Variants in ARHGEF7 observed in about 807,000 individuals in gnomAD.
ARHGEF7 encodes Rho guanine nucleotide exchange factor 7, also known as PAK-interacting exchange factor beta.
A neutral mutation model predicts 109.8 loss-of-function variants in ARHGEF7; 33 were observed. That is an observed-to-expected ratio of 0.30 (90% CI 0.23 to 0.40). The LOEUF (loss-of-function observed/expected upper bound fraction) is 0.40, where lower values mean the gene tolerates loss of function less well. Ranked by LOEUF, ARHGEF7 falls within the 10% of genes least tolerant of loss-of-function variation. The pLI, the probability that ARHGEF7 is intolerant of heterozygous loss-of-function variation, is 1.00. For synonymous variants in ARHGEF7, 458 were observed against 424.6 expected, an observed-to-expected ratio of 1.08 and a Z score of -0.97; for missense variants, 938 against 1,098.5, an observed-to-expected ratio of 0.85 and a Z score of 2.07.
chr13:111,244,317 G>C (rs2088377544), intron 8 of ARHGEF7, 23 bp downstream of exon 8: 1 of 1,444,262 alleles, frequency 6.9e-7, no homozygotes, highest in Admixed American at 2.0e-5. Context: ...CTAAAAATTT[G>C]CAACACTCAG....
At chr13:111,223,493 CTGTT>C (rs2084753506) in intron 5 of ARHGEF7, among the ~76,000 whole-genome samples, 1 of 152,178 alleles carries the variant, frequency 6.6e-6, no homozygotes, top group Non-Finnish European at 1.5e-5. Context: ...CTTTTTTAGG[CTGTT>C]TATCTCCAGA....
intron 2 of ARHGEF7, among the ~76,000 whole-genome samples, chr13:111,154,749 G>C (rs984921481): frequency 1.3e-5 from 2 of 152,054 alleles, no homozygotes; most frequent in African/African-American, 4.8e-5. Flanking sequence ...CCTACACTTG[G>C]GGTAGCACTT....
At chr13:111,233,397 TA>T (rs2086372312) in intron 6 of ARHGEF7, 104 bp downstream of exon 6, 1 of 900,338 alleles carries the variant, frequency 1.1e-6, no homozygotes, top group Admixed American at 1.9e-5. Context: ...AAGAAGGAAA[TA>T]AAGTTCATTC....
intron 8 of ARHGEF7, among the ~76,000 whole-genome samples, chr13:111,249,407 T>C (rs2089421436): frequency 6.6e-6 from 1 of 151,804 alleles, no homozygotes; most frequent in South Asian, 2.1e-4. Flanking sequence ...TTTCCAAAGC[T>C]TTGAGAAGTT....
chr13:111,133,812 T>TAA (rs774568302), intron 1 of ARHGEF7, among the ~76,000 whole-genome samples: 2,150 of 62,222 alleles, frequency 0.035, 376 homozygotes, highest in East Asian at 0.065. Context: ...TATATATATA[T>TAA]ATTTATTATA....
intron 8 of ARHGEF7, among the ~76,000 whole-genome samples, chr13:111,259,050 A>G (rs2090786805): frequency 6.6e-6 from 1 of 152,192 alleles, no homozygotes; most frequent in Non-Finnish European, 1.5e-5. Flanking sequence ...GCCACAAGAA[A>G]TATTCAACTG....
At position 111,265,951 on chromosome 13, in the gene ARHGEF7, G is replaced by A. The variant is rs117091659; in HGVS notation, c.951-1597G>A. Among the ~76,000 whole-genome samples the A allele has an allele frequency of 8.0e-3, 1,221 of 152,322 alleles. 3 individuals carry two copies. Among genetic ancestry groups the A allele is most frequent in the Non-Finnish European group, 0.014 (978 of 68,020 alleles). ...TTCCCAGCAGGGGCGGACTGAGGCCGTGTGCTTATCGGTGGGGACAGCAGA... is the reference window on the plus strand; with the variant it reads ...TTCCCAGCAGGGGCGGACTGAGGCCATGTGCTTATCGGTGGGGACAGCAGA... On this transcript the variant is annotated intron_variant, in intron 8 of 21. Transcript: ENST00000646102.
chr13:111,266,359 GTCT>G lies in ARHGEF7; in HGVS notation c.951-1184_951-1182del, dbSNP rs1473796562. On this transcript the variant is annotated intron_variant, in intron 8 of 21. Coordinates refer to ENST00000646102, the MANE Select transcript of ARHGEF7 (RefSeq NM_001354046.2). This position sits in a 1 kb window ranked among gnomAD's most constrained non-coding sequence, Gnocchi z 4.8. ...GACTCTGCTGTTGTCTGGGGCCTCGGTCTTCTTTTGGCCTGTGTCGACGCTCGT... is the reference window on the plus strand; with the variant it reads ...GACTCTGCTGTTGTCTGGGGCCTCGGTCTTTTGGCCTGTGTCGACGCTCGT... Among the ~76,000 whole-genome samples, 2 of 152,062 alleles carry G rather than the reference GTCT, an allele frequency of 1.3e-5. No individual in the cohort carries two copies. The highest frequency in any genetic ancestry group is 2.9e-5 in the Non-Finnish European group (2 of 68,016).
At chr13:111,185,076 G>A (rs566720298) in intron 2 of ARHGEF7, 4 of 152,182 alleles carry the variant, frequency 2.6e-5, no homozygotes, top group Admixed American at 2.6e-4. Flanking sequence ...TTAGAATCCA[G>A]TGCAGGCCGC....
At chr13:111,280,052 C>T (rs927722048) in intron 13 of ARHGEF7, among the ~76,000 whole-genome samples, 1 of 152,070 alleles carries the variant, frequency 6.6e-6, no homozygotes, top group African/African-American at 2.4e-5. Flanking sequence ...TGTCCCTTGT[C>T]GCCAGTTGAG....
At chr13:111,284,905 GCT>G (rs1249775785) in intron 16 of ARHGEF7, among the ~76,000 whole-genome samples, 2 of 152,230 alleles carry the variant, frequency 1.3e-5, no homozygotes, top group Non-Finnish European at 2.9e-5. Flanking sequence ...GCTCTTCAAG[GCT>G]CTCCATCTCA....
In ARHGEF7 at chr13:111,174,021, C is replaced by T. The variant is rs760345133; in HGVS notation, c.252+20030C>T. ...TATTAATAATTCATAAGGTAGATTT[C>T]CCTCCTTTGTCTGGCACCCAGCCCT... On this transcript the variant is annotated intron_variant, in intron 2 of 21. Coordinates refer to ENST00000646102, the MANE Select transcript of ARHGEF7 (RefSeq NM_001354046.2). 3.7e-4 allele frequency among the ~76,000 whole-genome samples: 56 copies of T among 152,270 alleles called. 1 individual carries two copies. Among genetic ancestry groups the T allele is most frequent in the Middle Eastern group, 6.8e-3 (2 of 294 alleles).
rs763785197 is a variant in ARHGEF7, at chr13:111,280,518, T to G, written c.1586-20T>G. 2.5e-6 allele frequency: 4 copies of G among 1,581,032 alleles called. No individual in the cohort carries two copies. The African/African-American group carries it at 5.4e-5, about 22-fold the overall frequency. On this transcript the variant is annotated intron_variant, in intron 14 of 21. Transcript: ENST00000646102. ...TTACCTGTGTTTCCACTCGGCCTATTTTTTCCTTCTCTCCTATAGGGAGCA... is the reference window on the plus strand; with the variant it reads ...TTACCTGTGTTTCCACTCGGCCTATGTTTTCCTTCTCTCCTATAGGGAGCA...
At chr13:111,141,145 C>T (rs2075326351) in intron 1 of ARHGEF7, among the ~76,000 whole-genome samples, 1 of 152,180 alleles carries the variant, frequency 6.6e-6, no homozygotes, top group Non-Finnish European at 1.5e-5. Context: ...TAAGATGATA[C>T]TGATACTTTA....
At chr13:111,155,401 A>T (rs1337344493) in intron 2 of ARHGEF7, among the ~76,000 whole-genome samples, 1 of 152,240 alleles carries the variant, frequency 6.6e-6, no homozygotes, top group East Asian at 1.9e-4. Flanking sequence ...GGCGTTGTTT[A>T]TGATTGTAAA....
chr13:111,196,018 C>T (rs193161511), intron 2 of ARHGEF7, among the ~76,000 whole-genome samples: 142 of 152,260 alleles, frequency 9.3e-4, no homozygotes, highest in African/African-American at 3.1e-3. Flanking sequence ...CTGATATCTG[C>T]GGCTGATTGG....
intron 1 of ARHGEF7, among the ~76,000 whole-genome samples, chr13:111,119,453 C>A (rs1302079835): frequency 6.6e-6 from 1 of 152,076 alleles, no homozygotes; most frequent in Non-Finnish European, 1.5e-5. Context: ...ATAATAGAGT[C>A]TTGGGGGTTC....
chr13:111,205,467 C>T, intron 3 of ARHGEF7, 94 bp downstream of exon 3: 1 of 785,084 alleles, frequency 1.3e-6, no homozygotes, highest in Non-Finnish European at 2.0e-6. Flanking sequence ...GGGAGCATTA[C>T]TGAATTTAAA....
At chr13:111,292,026 G>C in intron 18 of ARHGEF7, 92 bp from the exon 19 acceptor site, 2 of 1,048,930 alleles carry the variant, frequency 1.9e-6, no homozygotes, top group Non-Finnish European at 2.8e-6. Flanking sequence ...ATCACCTTTT[G>C]CTTTTGTTCC....
Sources: gnomAD v4.1 joint callset for allele counts (sites outside exome capture counted in the v4.1 genomes callset) on GRCh38, gnomAD v4.1.1 for gene constraint, Gnocchi (gnomAD v3.1) non-coding constraint, MANE v1.5 for transcripts, NCBI Gene and HGNC (gene_info 2026-07-23, HGNC 2026-07-21) for gene names.